Variants in NOS1AP observed in about 807,000 individuals in gnomAD.
The protein encoded by NOS1AP is carboxyl-terminal PDZ ligand of neuronal nitric oxide synthase protein.
A neutral mutation model predicts 56.2 loss-of-function variants in NOS1AP; 21 were observed. That is an observed-to-expected ratio of 0.37 (90% confidence interval 0.26 to 0.54). The LOEUF (loss-of-function observed/expected upper bound fraction) is 0.54, where lower values mean the gene tolerates loss of function less well. Ranked by LOEUF, NOS1AP falls within the 20% of genes least tolerant of loss-of-function variation. The pLI, the probability that NOS1AP is intolerant of heterozygous loss-of-function variation, is 0.84. For synonymous variants in NOS1AP, 270 were observed against 274.6 expected (o/e 0.98, Z 0.17); for missense variants, 522 against 657.8 (o/e 0.79, Z 2.26).
At chr1:162,250,145 T>C (rs1653801901) in intron 2 of NOS1AP, among the ~76,000 whole-genome samples, 1 of 152,166 alleles carries the variant, frequency 6.6e-6, no homozygotes, top group Admixed American at 6.5e-5. Flanking sequence ...GCTTATGCTG[T>C]CTTCAGAAAG....
chr1:162,278,139 C>T (rs1207451099), intron 2 of NOS1AP, among the ~76,000 whole-genome samples: 1 of 152,194 alleles, frequency 6.6e-6, no homozygotes, highest in South Asian at 2.1e-4. Context: ...CCTGGCCTCA[C>T]CAAATGCCTT....
At position 162,365,719 on chromosome 1, in the gene NOS1AP, T is replaced by C. The variant is rs144645271; in HGVS notation, c.1105+150T>C. On this transcript the variant is annotated intron_variant, in intron 9 of 9. Coordinates refer to ENST00000361897, the MANE Select transcript of NOS1AP (RefSeq NM_014697.3). ...ATAGGCAGCTTTGTTTTCCCATTAG[T>C]ATACTTAATGAATTACAGAATCACA... 113 of 955,024 alleles carry C rather than the reference T, an allele frequency of 1.2e-4. 1 individual carries two copies. In the South Asian group the frequency reaches 1.2e-3, roughly 10 times the overall value. 59.2% of individuals were successfully genotyped at this position (955,024 alleles called of 1,614,324 possible).
chr1:162,365,045 G>A, intron 8 of NOS1AP: 1 of 1,162,196 alleles, frequency 8.6e-7, no homozygotes, highest in Non-Finnish European at 1.1e-6. Flanking sequence ...TCTAAGCAGG[G>A]ATGGAGCACC....
chr1:162,088,670 A>T (rs1379166001), intron 1 of NOS1AP, among the ~76,000 whole-genome samples: 1 of 152,158 alleles, frequency 6.6e-6, no homozygotes, highest in East Asian at 1.9e-4. Flanking sequence ...GTATTTGGGA[A>T]TGTTTAATGG....
intron 4 of NOS1AP, among the ~76,000 whole-genome samples, chr1:162,327,934 G>C (rs1656646527): frequency 6.6e-6 from 1 of 152,172 alleles, no homozygotes; most frequent in Non-Finnish European, 1.5e-5. Flanking sequence ...GTAAAATGTG[G>C]TATGTGTGTT....
chr1:162,130,881 A>T (rs1049938118), intron 1 of NOS1AP, among the ~76,000 whole-genome samples: 6 of 152,216 alleles, frequency 3.9e-5, no homozygotes, highest in Admixed American at 3.3e-4. Context: ...GATTTTTTGG[A>T]TTGGGATCAA....
intron 2 of NOS1AP, among the ~76,000 whole-genome samples, chr1:162,166,441 C>T (rs1056219417): frequency 2.0e-5 from 3 of 152,192 alleles, no homozygotes; most frequent in Non-Finnish European, 4.4e-5. Context: ...TTCCTTCTAC[C>T]TGGGAAGCAC....
intron 4 of NOS1AP, among the ~76,000 whole-genome samples, chr1:162,310,803 C>A (rs911308762): frequency 6.6e-6 from 1 of 152,134 alleles, no homozygotes; most frequent in Admixed American, 6.5e-5. Flanking sequence ...CCATAGGTGA[C>A]CCCCACACCT....
Position 162,070,302 on chromosome 1 carries a change from G to T in NOS1AP, c.105+20G>T. ...GCCAAGGTGAGGGGGCTCCGGGGAG[G>T]GTGCTACCTGTGGTGGCGGTTGGGG... is the stretch of plus-strand genomic sequence containing the variant. On this transcript the variant is annotated intron_variant, in intron 1 of 9. Transcript: ENST00000361897. 6.3e-7 allele frequency: 1 copy of T among 1,596,474 alleles called. No homozygotes were observed. Among genetic ancestry groups the T allele is most frequent in the Non-Finnish European group, 8.6e-7 (1 of 1,164,614 alleles).
rs1654226567 is a variant in NOS1AP, at chr1:162,261,511, A to AGAGAGAGAG, written c.178-25832_178-25824dup. ...GAGAGAGAGAGAGAGAGAGAGAGAG[A>AGAGAGAGAG]GAGAGAGAGAGAGAGAGAGAGAGAG... On this transcript the variant is annotated intron_variant, in intron 2 of 9. Coordinates refer to ENST00000361897, the MANE Select transcript of NOS1AP (RefSeq NM_014697.3). Among the ~76,000 whole-genome samples the AGAGAGAGAG allele has an allele frequency of 9.4e-5, 2 of 21,310 alleles. 1 individual carries two copies. The highest frequency in any genetic ancestry group is 3.0e-4 in the Non-Finnish European group (2 of 6,772). The allele number at this position is 21,310 out of a possible 152,430, so 14.0% of individuals were successfully genotyped here.
chr1:162,270,450 G>A (rs1654548244), intron 2 of NOS1AP, among the ~76,000 whole-genome samples: 1 of 152,194 alleles, frequency 6.6e-6, no homozygotes, highest in South Asian at 2.1e-4. Flanking sequence ...ATTAGGAAAT[G>A]TATTTTATAT....
At chr1:162,095,015 T>G (rs1336548138) in intron 1 of NOS1AP, among the ~76,000 whole-genome samples, 1 of 152,242 alleles carries the variant, frequency 6.6e-6, no homozygotes, top group Non-Finnish European at 1.5e-5. Flanking sequence ...AGGGATTTTG[T>G]GTCATGAATG....
rs550388410 is a variant in NOS1AP, at chr1:162,296,697, A to T, written c.271-3936A>T. Among the ~76,000 whole-genome samples, 9 of 152,262 alleles carry T rather than the reference A, an allele frequency of 5.9e-5. No homozygotes were observed. The East Asian group carries it at 1.5e-3, about 26-fold the overall frequency. On this transcript the variant is annotated intron_variant, in intron 3 of 9. Transcript: ENST00000361897. ...CAGAGAAAGAAAATAGTTCTGTATT[A>T]TTTTGCCTCATTATTCTTTCCTTTT...
chr1:162,102,245 A>T (rs753287124), intron 1 of NOS1AP, among the ~76,000 whole-genome samples: 18 of 152,228 alleles, frequency 1.2e-4, no homozygotes, highest in Non-Finnish European at 2.6e-4. Flanking sequence ...GTGATGAATT[A>T]CATTTATTGA....
intron 2 of NOS1AP, among the ~76,000 whole-genome samples, chr1:162,196,841 A>G (rs542636925): frequency 2.4e-4 from 36 of 152,358 alleles, no homozygotes; most frequent in African/African-American, 8.7e-4. Flanking sequence ...TCAGTAAAAC[A>G]TTTATTGTGC....
At chr1:162,226,800 G>A (rs959486782) in intron 2 of NOS1AP, among the ~76,000 whole-genome samples, 42 of 152,188 alleles carry the variant, frequency 2.8e-4, no homozygotes, top group Non-Finnish European at 7.4e-5. Flanking sequence ...TTAGCACTTT[G>A]TGTCTTTGTA....
At chr1:162,287,804 G>A (rs1410959326) in intron 3 of NOS1AP, among the ~76,000 whole-genome samples, 1 of 152,172 alleles carries the variant, frequency 6.6e-6, no homozygotes, top group Non-Finnish European at 1.5e-5. Flanking sequence ...GGCAGCGAGA[G>A]GAGGCTTCCT....
At position 162,369,236 on chromosome 1, in the gene NOS1AP, G is replaced by A. The variant is rs1055722816; in HGVS notation, c.*1769G>A. 2 of 152,238 alleles carry A rather than the reference G, an allele frequency of 1.3e-5. No homozygotes were observed. Among genetic ancestry groups the A allele is most frequent in the African/African-American group, 2.4e-5 (1 of 41,456 alleles). 9.4% of individuals were successfully genotyped at this position (152,238 alleles called of 1,614,324 possible). A position where few individuals can be genotyped will look rare whatever the true frequency, so the allele number is the denominator to read the frequency against. ...GTTTTCTAACATGCATTTAGTTGGA[G>A]AGGCATGGTTCTGTTTGTTTTGTTT... On this transcript the variant is annotated 3_prime_UTR_variant, in exon 10 of 10. Transcript: ENST00000361897.
Position 162,366,991 on chromosome 1 carries a change from C to T in NOS1AP, c.1106-61C>T, listed in dbSNP as rs1658108199. ...AGGGCACGGGCGGGCAGAAGGCGGG[C>T]ATCCCAAATCAACAACCTTGCCTAA... On this transcript the variant is annotated intron_variant, in intron 9 of 9. Coordinates refer to ENST00000361897, the MANE Select transcript of NOS1AP (RefSeq NM_014697.3). The T allele has an allele frequency of 4.4e-6, 7 of 1,599,014 alleles. 1 individual carries two copies. Among genetic ancestry groups the T allele is most frequent in the Admixed American group, 1.7e-5 (1 of 59,996 alleles).
Sources: gnomAD v4.1 joint callset for allele counts (sites outside exome capture counted in the v4.1 genomes callset) on GRCh38, gnomAD v4.1.1 for gene constraint, MANE v1.5 for transcripts, NCBI Gene and HGNC (gene_info 2026-07-23, HGNC 2026-07-21) for gene names.